The following NCOA7 variants were observed in gnomAD, a reference collection of about 807,000 sequenced individuals.
NCOA7 encodes nuclear receptor coactivator 7, also known as 140 kDa estrogen receptor-associated protein.
A neutral mutation model predicts 104.3 loss-of-function variants in NCOA7; 45 were observed. The observed-to-expected ratio is 0.43, with a 90% CI of 0.34 to 0.55. NCOA7 has a LOEUF of 0.55. Ranked by LOEUF, NCOA7 falls within the 20% of genes least tolerant of loss-of-function variation. The pLI is 0.02. For missense variants in NCOA7, 1,041 were observed against 1,119.7 expected (o/e 0.93, Z 1.00); for synonymous variants, 398 against 402.3 (o/e 0.99, Z 0.13).
Position 125,889,753 on chromosome 6 carries a change from G to A in NCOA7, c.1699G>A (p.Ala567Thr), listed in dbSNP as rs761807330. The change falls in exon 9 of 16, where the codon GCG (alanine) becomes ACG (threonine). Residue 567 changes from alanine (A) to threonine (T), a missense_variant. Physicochemically the swap from Ala to Thr is moderately conservative, Grantham distance 58. Coordinates refer to ENST00000392477, the MANE Select transcript of NCOA7 (RefSeq NM_181782.5). ...TACCCTTAGTAGTTCTCTTTCCCAG[G>A]CGGGTGATCCCATAACTGAGGGCAA... is the stretch of plus-strand genomic sequence containing the variant. ...DITLSSSLSQ[A>T]GDPITEGNKE... 38 of 1,612,672 alleles carry A rather than the reference G, an allele frequency of 2.4e-5. No individual in the cohort carries two copies. Among genetic ancestry groups the A allele is most frequent in the Non-Finnish European group, 3.1e-5 (36 of 1,179,482 alleles).
At chr6:125,876,933 T>C (rs1490346061) in intron 4 of NCOA7, among the ~76,000 whole-genome samples, 1 of 152,216 alleles carries the variant, frequency 6.6e-6, no homozygotes, top group African/African-American at 2.4e-5. Flanking sequence ...AACTGCAGAT[T>C]GTTAAAGTTT....
Position 125,874,929 on chromosome 6 carries a change from G to C in NCOA7, c.312G>C (p.Lys104Asn), listed in dbSNP as rs764243384. ...QNKTHDKKEK[K>N]MVVQKPHGTM... ...AAACACATGATAAAAAAGAGAAGAA[G>C]ATGGTGGTTCAGAAGCCCCATGGGA... Residue 104 changes from lysine (K) to asparagine (N), a missense_variant, in exon 4 of 16, where the codon AAG becomes AAC. By Grantham distance (94) the Lys-to-Asn change is moderately conservative. Around this residue, in one of 2 missense-constraint regions of NCOA7, gnomAD observed 914 missense variants for 942.7 expected, o/e 0.97. Coordinates refer to ENST00000392477, the MANE Select transcript of NCOA7 (RefSeq NM_181782.5). The C allele has an allele frequency of 4.3e-6, 7 of 1,613,728 alleles. No individual in the cohort carries two copies. In the South Asian group the frequency reaches 7.7e-5, roughly 18 times the overall value.
chr6:125,791,568 G>GC (rs1198492735), intron 1 of NCOA7, among the ~76,000 whole-genome samples: 1 of 152,206 alleles, frequency 6.6e-6, no homozygotes, highest in African/African-American at 2.4e-5. Context: ...AATCGATGGG[G>GC]CAAACCCTTA....
chr6:125,824,374 C>T (rs147015955), intron 2 of NCOA7, among the ~76,000 whole-genome samples: 1 of 152,276 alleles, frequency 6.6e-6, no homozygotes, highest in African/African-American at 2.4e-5. Flanking sequence ...GGTTTCTTCT[C>T]TATAGAACTA....
At chr6:125,858,839 G>C (rs1201510246) in intron 3 of NCOA7, among the ~76,000 whole-genome samples, 1 of 152,062 alleles carries the variant, frequency 6.6e-6, no homozygotes, top group African/African-American at 2.4e-5. Context: ...GGCTCTCCCA[G>C]CGTCTGACCT....
chr6:125,813,222 C>A (rs1777223985), intron 1 of NCOA7, among the ~76,000 whole-genome samples: 2 of 152,094 alleles, frequency 1.3e-5, no homozygotes, highest in Non-Finnish European at 2.9e-5. Context: ...TCAGCATGAG[C>A]AATTGATGGC....
chr6:125,843,519 CA>C (rs1780347668), intron 2 of NCOA7, among the ~76,000 whole-genome samples: 1 of 152,148 alleles, frequency 6.6e-6, no homozygotes, highest in Non-Finnish European at 1.5e-5. Flanking sequence ...CAATGTAAAG[CA>C]AAAGAGAATA....
In NCOA7 at chr6:125,849,089, T is replaced by G. The variant is rs534800161; in HGVS notation, c.51-5931T>G. Among the ~76,000 whole-genome samples, 20 of 152,322 alleles carry G rather than the reference T, an allele frequency of 1.3e-4. 1 individual carries two copies. In the South Asian group the frequency reaches 3.7e-3, roughly 28 times the overall value. On this transcript the variant is annotated intron_variant, in intron 2 of 15. Coordinates refer to ENST00000392477, the MANE Select transcript of NCOA7 (RefSeq NM_181782.5). ...AATGTGTGCCATGTAAGAAAGGAAC[T>G]TGCCCAAGACCCTGGCTTTGCTTAC...
chr6:125,894,768 C>CT (rs78480319), intron 10 of NCOA7, among the ~76,000 whole-genome samples: 2,811 of 136,224 alleles, frequency 0.021, 71 homozygotes, highest in African/African-American at 0.068. Flanking sequence ...GCAAGCTGTA[C>CT]TTTTTTTTTT....
intron 13 of NCOA7, among the ~76,000 whole-genome samples, chr6:125,926,259 C>T (rs1788017306): frequency 6.7e-6 from 1 of 149,898 alleles, no homozygotes; most frequent in Non-Finnish European, 1.5e-5. Context: ...TGCAGAGGGG[C>T]TGAGATCATG....
At chr6:125,900,223 C>T (rs754898665) in intron 10 of NCOA7, among the ~76,000 whole-genome samples, 2 of 152,154 alleles carry the variant, frequency 1.3e-5, no homozygotes, top group East Asian at 1.9e-4. Context: ...AAAAGGAAGC[C>T]GAAATATCGA....
intron 2 of NCOA7, among the ~76,000 whole-genome samples, chr6:125,833,048 A>G (rs1779316048): frequency 6.6e-6 from 1 of 152,240 alleles, no homozygotes; most frequent in Non-Finnish European, 1.5e-5. Flanking sequence ...TCCAGAAATC[A>G]TGCTTAATGA....
At position 125,931,338 on chromosome 6, in the gene NCOA7, T is replaced by C. The variant is rs1333753173; in HGVS notation, c.*2567T>C. The C allele has an allele frequency of 6.6e-6, 1 of 152,200 alleles. No homozygotes were observed. The allele number at this position is 152,200 out of a possible 1,614,324, so 9.4% of individuals were successfully genotyped here. ...ACCAGAGACAACTCTTGGCTGTATC[T>C]ACCAGTCTCTTCTAATCTTTCTAGC... is the stretch of plus-strand genomic sequence containing the variant. On this transcript the variant is annotated 3_prime_UTR_variant, in exon 16 of 16. Transcript: ENST00000392477.
chr6:125,847,090 T>C (rs1295504220), intron 2 of NCOA7, among the ~76,000 whole-genome samples: 1 of 152,268 alleles, frequency 6.6e-6, no homozygotes, highest in East Asian at 1.9e-4. Flanking sequence ...TATGTAATTG[T>C]ACATGGTATA....
chr6:125,921,438 T>C (rs913501113), intron 12 of NCOA7, among the ~76,000 whole-genome samples: 3 of 151,570 alleles, frequency 2.0e-5, no homozygotes, highest in Admixed American at 6.6e-5. Context: ...CATCCCTGAA[T>C]GCATTTGCCC....
At chr6:125,872,100 G>A (rs946579011) in intron 3 of NCOA7, among the ~76,000 whole-genome samples, 3 of 151,298 alleles carry the variant, frequency 2.0e-5, no homozygotes, top group Non-Finnish European at 2.9e-5. Context: ...AAGGGAAGGC[G>A]TTTTTTTTGT....
chr6:125,840,249 A>G (rs1420014398), intron 2 of NCOA7, among the ~76,000 whole-genome samples: 1 of 152,102 alleles, frequency 6.6e-6, no homozygotes, highest in African/African-American at 2.4e-5. Context: ...TATAAAGAAA[A>G]TATTTTTGTA....
At chr6:125,809,584 T>C (rs1280154807) in intron 1 of NCOA7, among the ~76,000 whole-genome samples, 1 of 152,216 alleles carries the variant, frequency 6.6e-6, no homozygotes, top group Non-Finnish European at 1.5e-5. Context: ...TTGTGTAACA[T>C]TGAAATTTGA....
At chr6:125,814,604 T>C (rs969994488) in intron 1 of NCOA7, among the ~76,000 whole-genome samples, 1 of 152,146 alleles carries the variant, frequency 6.6e-6, no homozygotes, top group Admixed American at 6.5e-5. Context: ...GGGAGTGGCA[T>C]GATAAAAGTG....
Sources: allele counts gnomAD v4.1 joint callset (sites outside exome capture counted in the v4.1 genomes callset), GRCh38; gene constraint gnomAD v4.1.1; regional missense constraint gnomAD v4.1.1; transcripts MANE v1.5; gene names NCBI Gene and HGNC (gene_info 2026-07-23, HGNC 2026-07-21).